ZNF609: variants seen among roughly 807,000 people sequenced by gnomAD.
The protein encoded by ZNF609 is zinc finger protein 609.
A neutral mutation model predicts 109.5 loss-of-function variants in ZNF609; 11 were observed. That is an observed-to-expected ratio of 0.10 (90% confidence interval 0.06 to 0.17). The LOEUF (loss-of-function observed/expected upper bound fraction) is 0.17. Ranked by LOEUF, ZNF609 falls within the 10% of genes least tolerant of loss-of-function variation. ZNF609 has a pLI of 1.00. For missense variants in ZNF609, 1,559 were observed against 1,772.4 expected (o/e 0.88, Z 2.16); for synonymous variants, 646 against 662.0 (o/e 0.98, Z 0.37).
intron 2 of ZNF609, chr15:64,501,749 C>T (rs947286938): frequency 1.3e-5 from 2 of 152,156 alleles, no homozygotes; most frequent in Non-Finnish European, 2.9e-5. Flanking sequence ...CTGAGGATGA[C>T]CTTCATTCTC....
intron 2 of ZNF609, among the ~76,000 whole-genome samples, chr15:64,519,783 G>A (rs1415764989): frequency 6.6e-6 from 1 of 152,080 alleles, no homozygotes; most frequent in Admixed American, 6.5e-5. Context: ...TAAAGTGAAA[G>A]CATAGATATT....
intron 2 of ZNF609, among the ~76,000 whole-genome samples, chr15:64,542,689 C>T (rs982721693): frequency 3.9e-5 from 6 of 152,184 alleles, no homozygotes; most frequent in Admixed American, 6.5e-5. Flanking sequence ...TTAGACTCTC[C>T]TTTTCACTTA....
At chr15:64,635,826 G>T (rs1466850469) in intron 3 of ZNF609, among the ~76,000 whole-genome samples, 1 of 151,904 alleles carries the variant, frequency 6.6e-6, no homozygotes, top group Non-Finnish European at 1.5e-5. Context: ...TAATGATACC[G>T]GTGAGAACTA....
chr15:64,492,302 C>A (rs1195192655), intron 1 of ZNF609, among the ~76,000 whole-genome samples: 1 of 151,976 alleles, frequency 6.6e-6, no homozygotes, highest in Admixed American at 6.6e-5. Flanking sequence ...AAAGGAAAAC[C>A]CTAATCACTG....
At chr15:64,642,274 C>T (rs1896272305) in intron 3 of ZNF609, among the ~76,000 whole-genome samples, 1 of 152,134 alleles carries the variant, frequency 6.6e-6, no homozygotes, top group Non-Finnish European at 1.5e-5. Context: ...GCCTCCAACT[C>T]CTGGGCTCAA....
At position 64,502,457 on chromosome 15, in the gene ZNF609, C is replaced by T. The variant is rs1019511096; in HGVS notation, c.747+2291C>T. The T allele has an allele frequency of 5.9e-5, 9 of 152,166 alleles. No individual in the cohort carries two copies. In the East Asian group the frequency reaches 1.2e-3, roughly 20 times the overall value. The allele number at this position is 152,166 out of a possible 1,614,324, so 9.4% of individuals were successfully genotyped here. Reference sequence around the variant, plus strand: ...GCGGTTTTTGAGAAACAACAATCTCCGGTTTGGGGCATAATAGGTGCTCAG... The same window carrying T: ...GCGGTTTTTGAGAAACAACAATCTCTGGTTTGGGGCATAATAGGTGCTCAG... On this transcript the variant is annotated intron_variant, in intron 2 of 9. Transcript: ENST00000326648.
At chr15:64,546,480 TGACCAGTGGC>T (rs967441821) in intron 2 of ZNF609, among the ~76,000 whole-genome samples, 1 of 150,538 alleles carries the variant, frequency 6.6e-6, no homozygotes, top group African/African-American at 2.4e-5. Flanking sequence ...TCACCAGTGG[TGACCAGTGGC>T]GACCAGTGGT....
rs373680411 is a variant in ZNF609 at position 64,665,217 on chromosome 15, A to G, written c.974-5129A>G. ...TGACCCCCTGCAATCCTGTATGTGT[A>G]TGTGTCTTTTATCTAAGGTGAAGGT... On this transcript the variant is annotated intron_variant, in intron 3 of 9. Coordinates refer to ENST00000326648, the MANE Select transcript of ZNF609 (RefSeq NM_015042.2). Among the ~76,000 whole-genome samples, 6 of 152,288 alleles carry G rather than the reference A, an allele frequency of 3.9e-5. No individual in the cohort carries two copies. The East Asian group carries it at 7.7e-4, about 20-fold the overall frequency.
At chr15:64,526,805 T>C (rs1893973590) in intron 2 of ZNF609, among the ~76,000 whole-genome samples, 1 of 152,054 alleles carries the variant, frequency 6.6e-6, no homozygotes, top group African/African-American at 2.4e-5. Flanking sequence ...ATGTGGCTAT[T>C]TTTGTTGTTG....
chr15:64,576,949 C>CATATATGTATATATACACATAAATATAT (rs1894969285), intron 2 of ZNF609, among the ~76,000 whole-genome samples: 1 of 52,190 alleles, frequency 1.9e-5, no homozygotes, highest in African/African-American at 5.2e-5. Context: ...TAAATATATA[C>CATATATGTATATATACACATAAATATAT]ATATATGTAT....
intron 3 of ZNF609, among the ~76,000 whole-genome samples, chr15:64,638,107 C>T (rs997346722): frequency 6.7e-5 from 10 of 148,450 alleles, no homozygotes; most frequent in Non-Finnish European, 3.0e-5. Context: ...AGTTGGAAGT[C>T]AAGATTCTTA....
At chr15:64,645,857 T>C (rs748779891) in intron 3 of ZNF609, among the ~76,000 whole-genome samples, 2 of 152,146 alleles carry the variant, frequency 1.3e-5, no homozygotes, top group African/African-American at 2.4e-5. Flanking sequence ...ACTAGGATGG[T>C]TGTTATCAAA....
chr15:64,599,364 G>C (rs2140946278), intron 2 of ZNF609, among the ~76,000 whole-genome samples: 1 of 152,074 alleles, frequency 6.6e-6, no homozygotes, highest in African/African-American at 2.4e-5. Flanking sequence ...TGAGATGTTT[G>C]TCTGTTTGTT....
chr15:64,602,097 C>T (rs1176456537), intron 2 of ZNF609, among the ~76,000 whole-genome samples: 3 of 152,136 alleles, frequency 2.0e-5, no homozygotes, highest in Non-Finnish European at 4.4e-5. Flanking sequence ...ACAATAAATT[C>T]TAATTATCTT....
Position 64,675,059 on chromosome 15 carries a change from G to C in ZNF609, c.2205G>C (p.Lys735Asn). 2 of 1,614,134 alleles carry C rather than the reference G, an allele frequency of 1.2e-6. No individual in the cohort carries two copies. The highest frequency in any genetic ancestry group is 1.7e-5 in the Admixed American group (1 of 60,022). Residue 735 changes from lysine to asparagine, a missense_variant, in exon 5 of 10, where the codon AAG becomes AAC. Physicochemically the swap from Lys to Asn is moderately conservative, Grantham distance 94 (BLOSUM62 0). Transcript: ENST00000326648. Reference protein sequence around the residue: ...KDKKKKDKKKKESSKELESPL... With the variant: ...KDKKKKDKKKNESSKELESPL... ...AGAAAAAGAAAGACAAAAAAAAGAAGGAATCTTCAAAGGAACTTGAAAGTC... is the reference window on the plus strand; with the variant it reads ...AGAAAAAGAAAGACAAAAAAAAGAACGAATCTTCAAAGGAACTTGAAAGTC...
At chr15:64,658,645 G>T (rs1012357859) in intron 3 of ZNF609, among the ~76,000 whole-genome samples, 4 of 151,786 alleles carry the variant, frequency 2.6e-5, no homozygotes, top group African/African-American at 4.8e-5. Context: ...TGACAATAGC[G>T]TATATGTTGG....
At chr15:64,589,491 A>G (rs1156903402) in intron 2 of ZNF609, among the ~76,000 whole-genome samples, 1 of 152,164 alleles carries the variant, frequency 6.6e-6, no homozygotes, top group Non-Finnish European at 1.5e-5. Flanking sequence ...CACTAGCATA[A>G]TTTTTATTTT....
chr15:64,519,883 C>T (rs1893866670), intron 2 of ZNF609, among the ~76,000 whole-genome samples: 2 of 152,086 alleles, frequency 1.3e-5, no homozygotes, highest in African/African-American at 2.4e-5. Context: ...TCTCATTTTC[C>T]TTAGATTTTA....
At chr15:64,529,716 G>A (rs1374512176) in intron 2 of ZNF609, 2 of 662,058 alleles carry the variant, frequency 3.0e-6, no homozygotes, top group Non-Finnish European at 5.6e-6. Flanking sequence ...ATATGTGGCT[G>A]TCTGTCGAAC....
Sources: allele counts gnomAD v4.1 joint callset (sites outside exome capture counted in the v4.1 genomes callset), GRCh38; gene constraint gnomAD v4.1.1; transcripts MANE v1.5; gene names NCBI Gene and HGNC (gene_info 2026-07-23, HGNC 2026-07-21).